The following TTC7B variants were observed in gnomAD, a reference collection of about 807,000 sequenced individuals.
The protein encoded by TTC7B is tetratricopeptide repeat domain 7B.
A neutral mutation model predicts 106.8 loss-of-function variants in TTC7B; 28 were observed. The observed-to-expected ratio is 0.26, with a 90% confidence interval of 0.19 to 0.36. The LOEUF (loss-of-function observed/expected upper bound fraction) is 0.36, where lower values mean the gene tolerates loss of function less well. Among genes scored for constraint, TTC7B ranks in the 10% least tolerant of loss-of-function variants. TTC7B has a pLI of 1.00. For synonymous variants in TTC7B, 405 were observed against 430.6 expected (o/e 0.94, Z 0.74); for missense variants, 862 against 1,076.4 (o/e 0.80, Z 2.79).
At position 90,529,729 on chromosome 14, in the gene TTC7B, T is replaced by C. The variant is rs1889237555; in HGVS notation, c.*11639A>G. On this transcript the variant is annotated 3_prime_UTR_variant, in exon 20 of 20. Coordinates refer to ENST00000328459, the MANE Select transcript of TTC7B (RefSeq NM_001010854.2). ...AGATGAGTTAATACATGTCGAATGA[T>C]TGGTGCATAATAAATGCTCAATAAT... The C allele has an allele frequency of 6.6e-6, 1 of 152,208 alleles. No homozygotes were observed. 9.4% of individuals were successfully genotyped at this position (152,208 alleles called of 1,614,324 possible).
At chr14:90,643,910 A>AAT in intron 15 of TTC7B, 138 bp downstream of exon 15, 1 of 1,124,850 alleles carries the variant, frequency 8.9e-7, no homozygotes, top group Non-Finnish European at 1.3e-6. Context: ...ATCAGGAAAA[A>AAT]ATAACAGTAA....
chr14:90,534,444 A>T lies in TTC7B; in HGVS notation c.*6924T>A, dbSNP rs1171661701. ...TGGTCAAGTGTGTGGCTGCTTCTGG[A>T]GTAGGCAGGATGGACAGGGCAAGCA... On this transcript the variant is annotated 3_prime_UTR_variant, in exon 20 of 20. Transcript: ENST00000328459. 1 of 152,492 alleles carries T rather than the reference A, an allele frequency of 6.6e-6. No individual in the cohort carries two copies. Among genetic ancestry groups the T allele is most frequent in the East Asian group, 1.9e-4 (1 of 5,190 alleles). The allele number at this position is 152,492 out of a possible 1,614,324, so 9.4% of individuals were successfully genotyped here.
intron 17 of TTC7B, chr14:90,605,857 G>T: frequency 1.1e-6 from 1 of 906,558 alleles, no homozygotes; most frequent in Non-Finnish European, 1.4e-6. Context: ...CACATAAGCT[G>T]CAAAGAAAAT....
intron 3 of TTC7B, among the ~76,000 whole-genome samples, chr14:90,760,837 A>C (rs1249871450): frequency 6.6e-6 from 1 of 152,214 alleles, no homozygotes; most frequent in Admixed American, 6.5e-5. Context: ...CCAACAAGCC[A>C]ATAGCCTGGA....
chr14:90,568,011 A>G (rs1890870793), intron 19 of TTC7B, among the ~76,000 whole-genome samples: 1 of 152,200 alleles, frequency 6.6e-6, no homozygotes, highest in Non-Finnish European at 1.5e-5. Context: ...CGAGCCCTCA[A>G]TGGGGAGTCT....
chr14:90,791,554 C>G (rs1382844645), intron 1 of TTC7B, among the ~76,000 whole-genome samples: 1 of 152,142 alleles, frequency 6.6e-6, no homozygotes, highest in Admixed American at 6.6e-5. Flanking sequence ...GACTACACAT[C>G]CCAGGCTCCC....
chr14:90,550,902 T>C (rs921741415), intron 19 of TTC7B, among the ~76,000 whole-genome samples: 2 of 152,128 alleles, frequency 1.3e-5, no homozygotes, highest in Non-Finnish European at 2.9e-5. Context: ...CAGGTCACCC[T>C]TGTCTATGCT....
At position 90,662,256 on chromosome 14, in the gene TTC7B, AAGGGGCCTCT is replaced by A. The variant is rs1396486632; in HGVS notation, c.1153-3879_1153-3870del. On this transcript the variant is annotated intron_variant, in intron 9 of 19. Coordinates refer to ENST00000328459, the MANE Select transcript of TTC7B (RefSeq NM_001010854.2). Reference sequence around the variant, plus strand: ...TGAATCTGCAGGTAGGGAGGCAGGGAAGGGGCCTCTGGACCTCGTTCCAAGCAACCTGAGT... The same window carrying A: ...TGAATCTGCAGGTAGGGAGGCAGGGAGGACCTCGTTCCAAGCAACCTGAGT... Among the ~76,000 whole-genome samples the A allele has an allele frequency of 7.2e-5, 11 of 152,328 alleles. No individual in the cohort carries two copies. The East Asian group carries it at 1.9e-3, about 27-fold the overall frequency.
chr14:90,630,215 G>T (rs1013433778), intron 15 of TTC7B, among the ~76,000 whole-genome samples: 3 of 151,146 alleles, frequency 2.0e-5, no homozygotes, highest in African/African-American at 7.3e-5. Flanking sequence ...GGGGGATTTT[G>T]TCCCTCTTGA....
chr14:90,660,798 T>C (rs556222362), intron 9 of TTC7B, among the ~76,000 whole-genome samples: 1 of 152,376 alleles, frequency 6.6e-6, no homozygotes, highest in Admixed American at 6.5e-5. Context: ...GTTGGTTTAC[T>C]GTGAAAAGCT....
chr14:90,656,968 C>T (rs1885972454), intron 11 of TTC7B, among the ~76,000 whole-genome samples: 1 of 152,108 alleles, frequency 6.6e-6, no homozygotes, highest in South Asian at 2.1e-4. Context: ...CCTGGAGTAC[C>T]CCAGAGTACT....
intron 4 of TTC7B, 65 bp from the exon 5 acceptor site, chr14:90,730,261 A>C: frequency 6.4e-7 from 1 of 1,551,556 alleles, no homozygotes; most frequent in Non-Finnish European, 8.6e-7. Flanking sequence ...TTCAAACCCT[A>C]TCTCTAAATG....
At chr14:90,660,788 G>GT (rs1190251609) in intron 9 of TTC7B, among the ~76,000 whole-genome samples, 1 of 152,230 alleles carries the variant, frequency 6.6e-6, no homozygotes, top group Non-Finnish European at 1.5e-5. Flanking sequence ...TATCACGCTA[G>GT]TTGGTTTACT....
At chr14:90,557,638 C>T (rs1890377056) in intron 19 of TTC7B, among the ~76,000 whole-genome samples, 1 of 152,240 alleles carries the variant, frequency 6.6e-6, no homozygotes, top group South Asian at 2.1e-4. Context: ...GAGTCTCCAC[C>T]TCCAGCAGCA....
intron 4 of TTC7B, among the ~76,000 whole-genome samples, chr14:90,735,715 T>A (rs1206344628): frequency 6.6e-6 from 1 of 151,120 alleles, no homozygotes; most frequent in Admixed American, 6.6e-5. Context: ...TTTTTTTTTT[T>A]TAAAAAACCT....
intron 1 of TTC7B, among the ~76,000 whole-genome samples, chr14:90,790,616 T>TG (rs1424896687): frequency 1.3e-5 from 2 of 151,880 alleles, no homozygotes; most frequent in African/African-American, 4.8e-5. Flanking sequence ...CTCGCCTCCC[T>TG]GCCACAGGGA....
At chr14:90,728,145 G>A (rs545914809) in intron 5 of TTC7B, among the ~76,000 whole-genome samples, 90 of 152,006 alleles carry the variant, frequency 5.9e-4, no homozygotes, top group Non-Finnish European at 8.7e-4. Flanking sequence ...CTGTTGCACC[G>A]TCCCAGCCTT....
At chr14:90,579,568 CGGGCGG>C (rs1000985919) in intron 18 of TTC7B, among the ~76,000 whole-genome samples, 3 of 152,300 alleles carry the variant, frequency 2.0e-5, no homozygotes. Context: ...GAGGCCGAGG[CGGGCGG>C]ATAGCTTGAG....
intron 1 of TTC7B, among the ~76,000 whole-genome samples, chr14:90,813,562 G>C (rs1017897992): frequency 2.0e-5 from 3 of 151,950 alleles, no homozygotes; most frequent in African/African-American, 7.3e-5. Flanking sequence ...TCTAAAATGA[G>C]AAAACTGAGG....
Sources: allele counts gnomAD v4.1 joint callset (sites outside exome capture counted in the v4.1 genomes callset), GRCh38; gene constraint gnomAD v4.1.1; transcripts MANE v1.5; gene names NCBI Gene and HGNC (gene_info 2026-07-23, HGNC 2026-07-21).